The following ELF1 variants were observed in gnomAD, a reference collection of about 807,000 sequenced individuals.
The protein encoded by ELF1 is E74 like ETS transcription factor 1, also known as ETS-related transcription factor Elf-1.
Under a neutral mutation model 59.9 loss-of-function variants are expected in ELF1, and 24 were observed. The observed-to-expected ratio is 0.40, with a 90% CI of 0.29 to 0.56. The LOEUF is 0.56. Among genes scored for constraint, ELF1 ranks in the 20% least tolerant of loss-of-function variants. ELF1 has a pLI of 0.44. For synonymous variants in ELF1, 248 were observed against 266.2 expected, an observed-to-expected ratio of 0.93 and a Z score of 0.67; for missense variants, 627 against 742.2, an observed-to-expected ratio of 0.84 and a Z score of 1.80.
At chr13:40,942,920 T>C (rs549712050) in intron 7 of ELF1, 32 bp downstream of exon 7, 22 of 1,486,096 alleles carry the variant, frequency 1.5e-5, no homozygotes, top group Non-Finnish European at 1.9e-5. Flanking sequence ...AATGATATTC[T>C]TAACACAATA....
In ELF1 at chr13:40,982,084, G is replaced by C. The variant is rs1873306437; in HGVS notation, c.-30C>G. On this transcript the variant is annotated 5_prime_UTR_variant, in exon 2 of 9. Transcript: ENST00000239882. ...AAGCATTCCCCTTAGATCCACATGAGAAAAATTCCAAGAAGATTCACGTAT... is the reference window on the plus strand; with the variant it reads ...AAGCATTCCCCTTAGATCCACATGACAAAAATTCCAAGAAGATTCACGTAT... 1.9e-6 allele frequency: 3 copies of C among 1,595,004 alleles called. No homozygotes were observed. Among genetic ancestry groups the C allele is most frequent in the Non-Finnish European group, 2.6e-6 (3 of 1,172,394 alleles).
chr13:41,047,937 T>C (rs879936059), intron 1 of ELF1, among the ~76,000 whole-genome samples: 1 of 152,252 alleles, frequency 6.6e-6, no homozygotes, highest in East Asian at 1.9e-4. Flanking sequence ...CAGTTCGAGC[T>C]TCAGGCCACT....
At chr13:40,995,407 G>A (rs930013481) in intron 1 of ELF1, among the ~76,000 whole-genome samples, 1 of 152,100 alleles carries the variant, frequency 6.6e-6, no homozygotes, top group Non-Finnish European at 1.5e-5. Flanking sequence ...TGTAAGACAG[G>A]ATGTCTGAAT....
intron 1 of ELF1, among the ~76,000 whole-genome samples, chr13:41,045,093 T>C (rs571259014): frequency 2.0e-5 from 3 of 152,338 alleles, no homozygotes; most frequent in East Asian, 1.9e-4. Context: ...GAGGTATTTA[T>C]AGTATTCTCT....
At chr13:40,966,742 A>G (rs989206685) in intron 2 of ELF1, among the ~76,000 whole-genome samples, 6 of 152,196 alleles carry the variant, frequency 3.9e-5, no homozygotes. Flanking sequence ...GCAGAACTCA[A>G]TCTGGTATAT....
At chr13:40,949,068 C>T (rs914546040) in intron 5 of ELF1, among the ~76,000 whole-genome samples, 5 of 152,104 alleles carry the variant, frequency 3.3e-5, no homozygotes, top group Admixed American at 2.0e-4. Flanking sequence ...TCACTGTAAC[C>T]TCCACTTCCT....
At chr13:41,030,752 C>T (rs998451729) in intron 1 of ELF1, among the ~76,000 whole-genome samples, 2 of 145,852 alleles carry the variant, frequency 1.4e-5, no homozygotes, top group African/African-American at 5.2e-5. Flanking sequence ...CTGTCTCACA[C>T]ACATAAAAAG....
intron 1 of ELF1, among the ~76,000 whole-genome samples, chr13:41,045,092 A>T (rs1876784370): frequency 6.6e-6 from 1 of 152,044 alleles, no homozygotes; most frequent in African/African-American, 2.4e-5. Flanking sequence ...AGAGGTATTT[A>T]TAGTATTCTC....
chr13:40,997,652 C>T (rs1874197115), intron 1 of ELF1, among the ~76,000 whole-genome samples: 1 of 152,102 alleles, frequency 6.6e-6, no homozygotes, highest in African/African-American at 2.4e-5. Context: ...CTTGGCCTCC[C>T]AAGTGCTGGG....
At chr13:41,023,198 T>C (rs1875755342), upstream of ELF1, among the ~76,000 whole-genome samples, 1 of 152,188 alleles carries the variant, frequency 6.6e-6, no homozygotes, top group South Asian at 2.1e-4. Flanking sequence ...AAAACAGAAT[T>C]TATAAAAAGA....
chr13:40,973,760 G>A (rs1276400122), intron 2 of ELF1, among the ~76,000 whole-genome samples: 1 of 151,930 alleles, frequency 6.6e-6, no homozygotes, highest in East Asian at 1.9e-4. Context: ...TTTAAAAAGT[G>A]TTCTTTGAAA....
At chr13:40,950,881 T>G (rs1870805059) in intron 4 of ELF1, among the ~76,000 whole-genome samples, 1 of 152,248 alleles carries the variant, frequency 6.6e-6, no homozygotes, top group Non-Finnish European at 1.5e-5. Context: ...TGAATTTGAT[T>G]GCTTGTCAGA....
intron 1 of ELF1, among the ~76,000 whole-genome samples, chr13:40,987,542 G>A (rs1179059112): frequency 2.2e-5 from 3 of 133,922 alleles, no homozygotes; most frequent in Non-Finnish European, 4.6e-5. Flanking sequence ...GCCGAGGCAC[G>A]CCACTATACT....
At chr13:40,947,378 C>T (rs2138148135) in intron 5 of ELF1, among the ~76,000 whole-genome samples, 1 of 152,310 alleles carries the variant, frequency 6.6e-6, no homozygotes, top group African/African-American at 2.4e-5. Flanking sequence ...CTCATCTCTA[C>T]TAAAAATACA....
rs775209217 is a variant in ELF1 at position 40,940,965 on chromosome 13, ACTGGTT to A, written c.1206_1211del (p.Arg402_Thr403del). The A allele has an allele frequency of 1.1e-5, 17 of 1,614,058 alleles. No homozygotes were observed. Among genetic ancestry groups the A allele is most frequent in the Non-Finnish European group, 9.3e-6 (11 of 1,180,034 alleles). On this transcript the variant is annotated inframe_deletion, in exon 8 of 9. Transcript: ENST00000239882. ...AATTTAATGTTTCATCCTGCATGGT[ACTGGTT>A]CTAGCTGCTTCTCCCTCTGGGACAG...
At chr13:40,954,698 C>T (rs1453844177) in intron 3 of ELF1, among the ~76,000 whole-genome samples, 1 of 152,062 alleles carries the variant, frequency 6.6e-6, no homozygotes, top group Non-Finnish European at 1.5e-5. Context: ...GATCCGCCAG[C>T]CTCGGCCTCC....
chr13:40,956,430 A>G (rs1174072934), intron 3 of ELF1, among the ~76,000 whole-genome samples: 1 of 152,080 alleles, frequency 6.6e-6, no homozygotes, highest in African/African-American at 2.4e-5. Flanking sequence ...GGACACAAAC[A>G]CTGTGGAAGG....
chr13:41,009,933 G>A (rs1874952712), intron 1 of ELF1, among the ~76,000 whole-genome samples: 1 of 151,530 alleles, frequency 6.6e-6, no homozygotes, highest in Non-Finnish European at 1.5e-5. Context: ...AATGTATTGA[G>A]GACCACAAAG....
upstream of ELF1, among the ~76,000 whole-genome samples, chr13:41,019,677 A>T (rs1875611603): frequency 6.6e-6 from 1 of 152,170 alleles, no homozygotes; most frequent in African/African-American, 2.4e-5. Flanking sequence ...ATGAAAGGGG[A>T]TGGAAGGGAG....
Sources: allele counts gnomAD v4.1 joint callset (sites outside exome capture counted in the v4.1 genomes callset), GRCh38; gene constraint gnomAD v4.1.1; transcripts MANE v1.5; gene names NCBI Gene and HGNC (gene_info 2026-07-23, HGNC 2026-07-21).